GAPVD1: variants seen among roughly 807,000 people sequenced by gnomAD.
The protein encoded by GAPVD1 is GTPase activating protein and VPS9 domains 1, also known as GTPase-activating protein and VPS9 domain-containing protein 1.
GAPVD1 carries 35 observed loss-of-function variants against 155.5 expected under a neutral mutation model. That is an observed-to-expected ratio of 0.23 (90% CI 0.17 to 0.30). GAPVD1 has a LOEUF of 0.30. GAPVD1 is among the 10% of genes least tolerant of loss of function. GAPVD1 has a pLI of 1.00. For missense variants in GAPVD1, 1,429 were observed against 1,775.7 expected (o/e 0.80, Z 3.51); for synonymous variants, 636 against 619.7 (o/e 1.03, Z -0.39).
chr9:125,305,605 G>A (rs1166192696), intron 6 of GAPVD1, among the ~76,000 whole-genome samples: 2 of 151,986 alleles, frequency 1.3e-5, no homozygotes, highest in Non-Finnish European at 2.9e-5. Context: ...TCATGGCCTC[G>A]TGATCCACCT....
chr9:125,361,083 C>T (rs1850846487), intron 27 of GAPVD1, among the ~76,000 whole-genome samples: 2 of 152,062 alleles, frequency 1.3e-5, no homozygotes, highest in Admixed American at 1.3e-4. Context: ...AAGCTGGTCT[C>T]GTGGTCTCCA....
In GAPVD1 at chr9:125,337,059, C is replaced by G. The variant is rs754063594; in HGVS notation, c.2470C>G (p.Leu824Val). ...LTSPPSQSES[L>V]LAMFDPLSSH... ...CTCTCCTCCTTCTCAGTCAGAGTCT[C>G]TGCTGGCCATGTTTGATCCACTGTC... The change falls in exon 16 of 28, where the codon CTG becomes GTG. Residue 824 changes from leucine (L) to valine (V), a missense_variant. By Grantham distance (32) the Leu-to-Val change is conservative. Around this residue, in one of 4 missense-constraint regions of GAPVD1, gnomAD observed 699 missense variants for 826.0 expected, o/e 0.85. Transcript: ENST00000297933. 1.9e-6 allele frequency: 3 copies of G among 1,613,486 alleles called. No individual in the cohort carries two copies.
intron 17 of GAPVD1, among the ~76,000 whole-genome samples, chr9:125,337,975 A>C (rs1004149688): frequency 2.6e-5 from 4 of 152,186 alleles, no homozygotes; most frequent in African/African-American, 9.7e-5. Flanking sequence ...TCCCAGGTTC[A>C]AGCGATTCCT....
Position 125,323,915 on chromosome 9 carries a change from A to T in GAPVD1, c.1850A>T (p.His617Leu), listed in dbSNP as rs774003860. The change falls in exon 11 of 28, where the codon CAT becomes CTT. Residue 617 changes from histidine to leucine, a missense_variant. His to Leu is a moderately conservative substitution (Grantham distance 99). This residue lies in a region of GAPVD1 where 628 missense variants were observed against 733.4 expected (regional missense o/e 0.86). Transcript: ENST00000297933. The part of the protein sequence containing the change: ...NGVEALQLLE[H>L]EQATTQDNLD... Reference sequence around the variant, plus strand: ...GTTGAAGCTCTACAGCTGTTAGAACATGAGCAAGGTAAAGTGAAGTTGAAC... The same window carrying T: ...GTTGAAGCTCTACAGCTGTTAGAACTTGAGCAAGGTAAAGTGAAGTTGAAC... 12 of 1,613,246 alleles carry T rather than the reference A, an allele frequency of 7.4e-6. No homozygotes were observed. The highest frequency in any genetic ancestry group is 5.3e-5 in the African/African-American group (4 of 74,898).
rs569894127 is a variant in GAPVD1 at position 125,318,692 on chromosome 9, G to A, written c.1603-2741G>A. ...AGTATTTTGGGAGGCTGAGGTGAGA[G>A]GATTGCTTGAAACCAGAAGTTCAAG... On this transcript the variant is annotated intron_variant, in intron 9 of 27. Transcript: ENST00000297933. 3.9e-5 allele frequency among the ~76,000 whole-genome samples: 6 copies of A among 152,174 alleles called. 1 individual carries two copies. The East Asian group carries it at 1.2e-3, about 29-fold the overall frequency.
intron 13 of GAPVD1, 55 bp downstream of exon 13, chr9:125,330,273 G>A (rs1383689391): frequency 2.4e-6 from 3 of 1,226,972 alleles, no homozygotes; most frequent in African/African-American, 1.5e-5. Flanking sequence ...TTAATTAAAT[G>A]CAAGGTATCC....
In GAPVD1 at chr9:125,293,676, A is replaced by T. The variant is rs1426475845; in HGVS notation, c.-149-1782A>T. Among the ~76,000 whole-genome samples, 283 of 126,048 alleles carry T rather than the reference A, an allele frequency of 2.2e-3. 2 individuals carry two copies. Among genetic ancestry groups the T allele is most frequent in the Admixed American group, 4.9e-3 (52 of 10,532 alleles). The allele number at this position is 126,048 out of a possible 152,430, so 82.7% of individuals were successfully genotyped here. A position where few individuals can be genotyped will look rare whatever the true frequency, so the allele number is the denominator to read the frequency against. ...ATATATATTATATATATAATATAAA[A>T]ATATATATATTATATATTTATATTA... On this transcript the variant is annotated intron_variant, in intron 2 of 27. Coordinates refer to ENST00000297933, the MANE Select transcript of GAPVD1 (RefSeq NM_001282680.3).
intron 2 of GAPVD1, among the ~76,000 whole-genome samples, chr9:125,285,867 G>T (rs1837608931): frequency 6.6e-6 from 1 of 152,062 alleles, no homozygotes; most frequent in African/African-American, 2.4e-5. Context: ...GGAGTGCAGT[G>T]GCTCAGTCTT....
intron 17 of GAPVD1, 91 bp downstream of exon 17, chr9:125,337,682 T>A: frequency 8.3e-7 from 1 of 1,210,342 alleles, no homozygotes; most frequent in Non-Finnish European, 1.2e-6. Context: ...AAATCTAGGA[T>A]TACAGATAGA....
chr9:125,353,978 A>G (rs1423813846), intron 23 of GAPVD1, among the ~76,000 whole-genome samples: 2 of 152,240 alleles, frequency 1.3e-5, no homozygotes, highest in African/African-American at 4.8e-5. Context: ...GTAAAGAGGT[A>G]TGCCTATATT....
chr9:125,319,272 G>A (rs954252730), intron 9 of GAPVD1, among the ~76,000 whole-genome samples: 1 of 151,930 alleles, frequency 6.6e-6, no homozygotes, highest in African/African-American at 2.4e-5. Flanking sequence ...TACTCAGGAG[G>A]CTAAAACAGG....
intron 1 of GAPVD1, among the ~76,000 whole-genome samples, chr9:125,264,957 G>A (rs1475461378): frequency 6.6e-6 from 1 of 152,108 alleles, no homozygotes; most frequent in Non-Finnish European, 1.5e-5. Flanking sequence ...GACCTTAAGT[G>A]ATCTGCCCGC....
intron 19 of GAPVD1, 106 bp downstream of exon 19, chr9:125,342,405 G>A: frequency 1.4e-6 from 1 of 719,166 alleles, no homozygotes; most frequent in Non-Finnish European, 2.5e-6. Flanking sequence ...GAGTGTGTCT[G>A]TGTGTACAGT....
chr9:125,308,396 T>TTTTAG (rs1842179138), intron 8 of GAPVD1: 1 of 152,354 alleles, frequency 6.6e-6, no homozygotes, highest in African/African-American at 2.4e-5. Flanking sequence ...AAGTTCTAAA[T>TTTTAG]AATATAATAA....
chr9:125,362,356 G>C (rs1461037667), intron 27 of GAPVD1, among the ~76,000 whole-genome samples: 1 of 152,084 alleles, frequency 6.6e-6, no homozygotes, highest in African/African-American at 2.4e-5. Flanking sequence ...AATCAGTGAG[G>C]TTAAGGACTT....
chr9:125,280,575 C>CTTT (rs1197408782), intron 2 of GAPVD1, among the ~76,000 whole-genome samples: 2 of 137,692 alleles, frequency 1.5e-5, no homozygotes, highest in Non-Finnish European at 3.2e-5. Context: ...GTTACTACTA[C>CTTT]TTTTTTTTTT....
intron 1 of GAPVD1, among the ~76,000 whole-genome samples, chr9:125,268,652 A>G (rs905781026): frequency 2.6e-5 from 4 of 152,010 alleles, no homozygotes; most frequent in African/African-American, 9.7e-5. Flanking sequence ...GGCACATGAC[A>G]CCATGCTTGG....
At chr9:125,279,665 G>C (rs1274964846) in intron 2 of GAPVD1, among the ~76,000 whole-genome samples, 2 of 150,900 alleles carry the variant, frequency 1.3e-5, no homozygotes, top group African/African-American at 4.9e-5. Context: ...CCAAAGTGTA[G>C]GCATCGGTAT....
chr9:125,312,353 C>A, intron 8 of GAPVD1, 99 bp from the exon 9 acceptor site: 2 of 753,482 alleles, frequency 2.7e-6, no homozygotes, highest in Non-Finnish European at 2.1e-6. Flanking sequence ...TGTGCATGTG[C>A]AAATGTTCTG....
Sources: gnomAD v4.1 joint callset for allele counts (sites outside exome capture counted in the v4.1 genomes callset) on GRCh38, gnomAD v4.1.1 for gene constraint, gnomAD v4.1.1 regional missense constraint, MANE v1.5 for transcripts, NCBI Gene and HGNC (gene_info 2026-07-23, HGNC 2026-07-21) for gene names.